The following KCND2 variants were observed in gnomAD, a reference collection of about 807,000 sequenced individuals.
KCND2 encodes A-type voltage-gated potassium channel KCND2.
Under a neutral mutation model 54.4 loss-of-function variants are expected in KCND2, and 16 were observed. The ratio of observed to expected loss-of-function variants is 0.29; its 90% confidence interval spans 0.20 to 0.45. The LOEUF is 0.45. KCND2 is among the 20% of genes least tolerant of loss of function. The probability of loss-of-function intolerance (pLI) is 1.00; values close to 1 mark genes in which losing one functional copy is unlikely to be tolerated. For missense variants in KCND2, 486 were observed against 824.2 expected (o/e 0.59, Z 5.02); for synonymous variants, 317 against 310.7 (o/e 1.02, Z -0.21).
intron 1 of KCND2, among the ~76,000 whole-genome samples, chr7:120,554,037 A>T (rs1421442854): frequency 2.0e-5 from 3 of 152,212 alleles, no homozygotes; most frequent in Admixed American, 2.0e-4. Flanking sequence ...TGTACATCAC[A>T]TGAGAATTAA....
At chr7:120,477,964 G>A (rs181286818) in intron 1 of KCND2, among the ~76,000 whole-genome samples, 2 of 152,020 alleles carry the variant, frequency 1.3e-5, no homozygotes, top group African/African-American at 2.4e-5. Flanking sequence ...CATCACCAGT[G>A]TTTTTCTCTT....
intron 1 of KCND2, among the ~76,000 whole-genome samples, chr7:120,341,893 G>A (rs1016381529): frequency 2.0e-5 from 3 of 152,032 alleles, no homozygotes; most frequent in Admixed American, 6.6e-5. Context: ...ATAATCTGCC[G>A]ACCAGAGATT....
chr7:120,352,093 A>T (rs1246881608), intron 1 of KCND2, among the ~76,000 whole-genome samples: 1 of 151,900 alleles, frequency 6.6e-6, no homozygotes, highest in Non-Finnish European at 1.5e-5. Flanking sequence ...GTGCACCAAC[A>T]CACCCACCTA....
intron 1 of KCND2, among the ~76,000 whole-genome samples, chr7:120,524,858 C>T (rs563584613): frequency 6.6e-6 from 1 of 152,236 alleles, no homozygotes; most frequent in African/African-American, 2.4e-5. Context: ...ATAAAATCTG[C>T]TTTCTTGGGA....
chr7:120,672,979 CAG>C (rs544382842), intron 1 of KCND2: 8 of 151,616 alleles, frequency 5.3e-5, no homozygotes, highest in African/African-American at 1.5e-4. Flanking sequence ...TATTAAAAGA[CAG>C]AGAAAGAAAG....
intron 1 of KCND2, among the ~76,000 whole-genome samples, chr7:120,424,824 T>G (rs957354115): frequency 6.6e-6 from 1 of 152,218 alleles, no homozygotes; most frequent in African/African-American, 2.4e-5. Context: ...TCAAGTTTAG[T>G]CTACCTCTTA....
intron 1 of KCND2, among the ~76,000 whole-genome samples, chr7:120,486,919 A>G (rs1304298382): frequency 6.6e-6 from 1 of 152,170 alleles, no homozygotes; most frequent in Non-Finnish European, 1.5e-5. Context: ...TGAACTATTA[A>G]AAAATCAGAG....
chr7:120,447,210 A>T (rs896043151), intron 1 of KCND2, among the ~76,000 whole-genome samples: 3 of 152,052 alleles, frequency 2.0e-5, no homozygotes, highest in Non-Finnish European at 2.9e-5. Context: ...ACAAGAATCC[A>T]TGCCACCCAC....
At chr7:120,528,639 C>T (rs958019885) in intron 1 of KCND2, among the ~76,000 whole-genome samples, 1 of 152,182 alleles carries the variant, frequency 6.6e-6, no homozygotes, top group Middle Eastern at 3.4e-3. Context: ...TAACACAAAG[C>T]AAATAAATGA....
rs148813267 is a variant in KCND2, at chr7:120,529,300, T to C, written c.1116-203603T>C. On this transcript the variant is annotated intron_variant, in intron 1 of 5. Transcript: ENST00000331113. ...CTAGGAGCTTATTCAGCAATAAAAC[T>C]GAGCACTCTGAAATATTGGAATGTA... Among the ~76,000 whole-genome samples, 150 of 152,318 alleles carry C rather than the reference T, an allele frequency of 9.8e-4. 1 individual carries two copies. Among genetic ancestry groups the C allele is most frequent in the African/African-American group, 3.5e-3 (145 of 41,568 alleles).
intron 1 of KCND2, among the ~76,000 whole-genome samples, chr7:120,634,078 C>A (rs1310464722): frequency 6.6e-6 from 1 of 152,026 alleles, no homozygotes; most frequent in African/African-American, 2.4e-5. Flanking sequence ...TTTATAGAAT[C>A]TTTTTTCATT....
chr7:120,595,571 GTA>G (rs1160799733), intron 1 of KCND2, among the ~76,000 whole-genome samples: 6 of 110,980 alleles, frequency 5.4e-5, no homozygotes, highest in Admixed American at 1.1e-4. Flanking sequence ...ATATGTGTGT[GTA>G]TATATATGTG....
intron 1 of KCND2, among the ~76,000 whole-genome samples, chr7:120,694,556 A>G (rs1002088512): frequency 6.6e-6 from 1 of 152,200 alleles, no homozygotes; most frequent in Admixed American, 6.5e-5. Flanking sequence ...CAGTGGAACT[A>G]TAGATATTTT....
intron 1 of KCND2, among the ~76,000 whole-genome samples, chr7:120,418,048 A>C (rs965494879): frequency 1.3e-5 from 2 of 152,222 alleles, no homozygotes; most frequent in Non-Finnish European, 2.9e-5. Context: ...CAAGTATTTT[A>C]CTTGTTTTAA....
At chr7:120,704,427 G>A (rs1259342526) in intron 1 of KCND2, among the ~76,000 whole-genome samples, 1 of 152,094 alleles carries the variant, frequency 6.6e-6, no homozygotes, top group East Asian at 1.9e-4. Context: ...AAATCTTAAA[G>A]CTCTGGTCAT....
intron 1 of KCND2, among the ~76,000 whole-genome samples, chr7:120,584,511 A>T (rs1353557677): frequency 6.6e-6 from 1 of 152,266 alleles, no homozygotes; most frequent in Non-Finnish European, 1.5e-5. Flanking sequence ...CTATCAGTGA[A>T]AAAAAGTTGA....
intron 1 of KCND2, among the ~76,000 whole-genome samples, chr7:120,372,510 A>C (rs1269678228): frequency 2.6e-5 from 4 of 151,880 alleles, no homozygotes; most frequent in Non-Finnish European, 5.9e-5. Context: ...TTAAAAACTC[A>C]AGTTTTGTTT....
At chr7:120,554,432 G>A (rs576101172) in intron 1 of KCND2, among the ~76,000 whole-genome samples, 1 of 151,068 alleles carries the variant, frequency 6.6e-6, no homozygotes, top group Non-Finnish European at 1.5e-5. Context: ...TTTTTGAGAC[G>A]GAGTCTCTCT....
At chr7:120,420,103 A>G (rs2116131436) in intron 1 of KCND2, among the ~76,000 whole-genome samples, 1 of 151,734 alleles carries the variant, frequency 6.6e-6, no homozygotes, top group East Asian at 1.9e-4. Flanking sequence ...TTTTTTTTAA[A>G]TGCTGGCAAA....
Sources: gnomAD v4.1 joint callset for allele counts (sites outside exome capture counted in the v4.1 genomes callset) on GRCh38, gnomAD v4.1.1 for gene constraint, MANE v1.5 for transcripts, NCBI Gene and HGNC (gene_info 2026-07-23, HGNC 2026-07-21) for gene names.